Variants in EML6 observed in about 807,000 individuals in gnomAD.
EML6 encodes echinoderm microtubule-associated protein-like 6.
Under a neutral mutation model 240.1 loss-of-function variants are expected in EML6, and 154 were observed. The observed-to-expected ratio is 0.64, with a 90% CI of 0.56 to 0.73. EML6 has a LOEUF of 0.73. Ranked by LOEUF, EML6 falls within the 30% of genes least tolerant of loss-of-function variation. The pLI is 0.00. For missense variants in EML6, 2,964 were observed against 2,474.6 expected (o/e 1.20, Z -4.20); for synonymous variants, 1,148 against 899.0 (o/e 1.28, Z -4.95).
chr2:54,822,337 A>G (rs1391670206), intron 5 of EML6, among the ~76,000 whole-genome samples: 1 of 152,218 alleles, frequency 6.6e-6, no homozygotes, highest in Non-Finnish European at 1.5e-5. Context: ...GGAAATATTT[A>G]TCCTTAGAAA....
rs185314152 is a variant in EML6, at chr2:54,905,580, T to C, written c.3409+2078T>C. Among the ~76,000 whole-genome samples the C allele has an allele frequency of 3.3e-5, 5 of 152,330 alleles. No homozygotes were observed. The East Asian group carries it at 9.6e-4, about 29-fold the overall frequency. ...TACCATTTTAATCATTTTTTAAGTG[T>C]ACAGTTCAAGGACGTTAAAAACATT... On this transcript the variant is annotated intron_variant, in intron 24 of 41. Coordinates refer to ENST00000356458, the MANE Select transcript of EML6 (RefSeq NM_001039753.4).
chr2:54,895,689 C>T (rs1392766180), intron 21 of EML6, among the ~76,000 whole-genome samples: 1 of 152,202 alleles, frequency 6.6e-6, no homozygotes, highest in Admixed American at 6.5e-5. Context: ...GTTATGGTCT[C>T]ATCTGAGGCT....
rs1489851979 is a variant in EML6, at chr2:54,888,102, T to C, written c.2439-2952T>C. 3.9e-5 allele frequency among the ~76,000 whole-genome samples: 6 copies of C among 152,342 alleles called. No individual in the cohort carries two copies. The East Asian group carries it at 1.2e-3, about 29-fold the overall frequency. On this transcript the variant is annotated intron_variant, in intron 17 of 41. Transcript: ENST00000356458. The stretch of plus-strand genomic sequence containing the variant: ...GCTTTTGTGAAAAGAAAGACTTTAT[T>C]GCAGTTTGACGGGCAAGGAGACAGG...
Position 54,952,762 on chromosome 2 carries a change from A to G in EML6, c.4312+70A>G, listed in dbSNP as rs1217680469. On this transcript the variant is annotated intron_variant, in intron 31 of 41. Coordinates refer to ENST00000356458, the MANE Select transcript of EML6 (RefSeq NM_001039753.4). Reference sequence around the variant, plus strand: ...CGCTGACCTGTCAGCAATTATTGGGAGAGGGAGTGGGTGGGTTGCTTACAT... The same window carrying G: ...CGCTGACCTGTCAGCAATTATTGGGGGAGGGAGTGGGTGGGTTGCTTACAT... The G allele has an allele frequency of 3.8e-6, 4 of 1,053,746 alleles. No individual in the cohort carries two copies. The East Asian group carries it at 7.8e-5, about 21-fold the overall frequency. The allele number at this position is 1,053,746 out of a possible 1,614,324, so 65.3% of individuals were successfully genotyped here.
chr2:54,950,749 G>A lies in EML6; in HGVS notation c.4183G>A (p.Ala1395Thr). The A allele has an allele frequency of 1.3e-6, 2 of 1,551,594 alleles. No homozygotes were observed. The highest frequency in any genetic ancestry group is 1.7e-6 in the Non-Finnish European group (2 of 1,146,986). ...DGADIIFHTA[A>T]AGIVQNLSTG... ...CGCTGACATCATCTTCCACACAGCA[G>A]CGGCTGGCATCGTTCAGAACCTCTC... The change falls in exon 30 of 42, where the codon GCG becomes ACG. Residue 1395 changes from alanine to threonine, a missense_variant. Ala to Thr is a moderately conservative substitution (Grantham distance 58, BLOSUM62 0). Transcript: ENST00000356458.
intron 29 of EML6, among the ~76,000 whole-genome samples, 151 bp downstream of exon 29, chr2:54,949,111 G>C (rs539184939): frequency 1.3e-5 from 2 of 152,176 alleles, no homozygotes; most frequent in Non-Finnish European, 2.9e-5. Flanking sequence ...ACGTAGCACT[G>C]TGTCTTCCAT....
At chr2:54,871,448 C>A (rs1671250893) in intron 15 of EML6, 52 bp from the exon 16 acceptor site, 4 of 1,377,410 alleles carry the variant, frequency 2.9e-6, no homozygotes, top group African/African-American at 1.4e-5. Flanking sequence ...GGAACAAAAT[C>A]ATTGTTAGTA....
chr2:54,848,024 T>A (rs573718444), intron 9 of EML6, among the ~76,000 whole-genome samples: 5 of 151,696 alleles, frequency 3.3e-5, no homozygotes, highest in Admixed American at 3.3e-4. Context: ...CCCAAGCACA[T>A]CTAATTCCAA....
chr2:54,953,969 C>CT lies in EML6; in HGVS notation c.4313-13dup. On this transcript the variant is annotated splice_polypyrimidine_tract_variant and intron_variant, in intron 31 of 41. Coordinates refer to ENST00000356458, the MANE Select transcript of EML6 (RefSeq NM_001039753.4). ...TGTCAGCCTTACTTCTTTGTCATGCCTCTCCACACTCAGGGACAACACCTT... is the reference window on the plus strand; with the variant it reads ...TGTCAGCCTTACTTCTTTGTCATGCCTTCTCCACACTCAGGGACAACACCTT... The CT allele has an allele frequency of 6.5e-7, 1 of 1,543,004 alleles. No homozygotes were observed.
At chr2:54,935,643 G>A (rs1675098296) in intron 28 of EML6, among the ~76,000 whole-genome samples, 1 of 152,178 alleles carries the variant, frequency 6.6e-6, no homozygotes, top group African/African-American at 2.4e-5. Flanking sequence ...ATACATTCAT[G>A]CTGAGGTTTG....
At position 54,725,940 on chromosome 2, in the gene EML6, C is replaced by T. The variant is rs1167127053; in HGVS notation, c.197+682C>T. 3.3e-5 allele frequency among the ~76,000 whole-genome samples: 5 copies of T among 151,922 alleles called. No homozygotes were observed. Among genetic ancestry groups the T allele is most frequent in the Non-Finnish European group, 5.9e-5 (4 of 67,942 alleles). On this transcript the variant is annotated intron_variant, in intron 2 of 41. Transcript: ENST00000356458. The surrounding 1 kb of genome is among the most constrained non-coding windows in gnomAD (Gnocchi z 4.3). ...TGACCAACATCTGCTAGCGGATGGC[C>T]CAAGACTGACTGACAGGAGAGCTCA...
At chr2:54,803,889 G>A (rs765986149) in intron 2 of EML6, among the ~76,000 whole-genome samples, 8 of 152,196 alleles carry the variant, frequency 5.3e-5, no homozygotes, top group Non-Finnish European at 1.2e-4. Context: ...CACGGACCGG[G>A]CACCATCTGA....
At chr2:54,948,441 C>T (rs971603309) in intron 28 of EML6, among the ~76,000 whole-genome samples, 7 of 152,210 alleles carry the variant, frequency 4.6e-5, no homozygotes, top group African/African-American at 1.7e-4. Flanking sequence ...TCACGCCACA[C>T]CATGGCCATC....
intron 2 of EML6, among the ~76,000 whole-genome samples, chr2:54,803,079 C>G (rs1056561165): frequency 5.9e-5 from 9 of 152,060 alleles, no homozygotes; most frequent in African/African-American, 2.2e-4. Context: ...ACATATGATC[C>G]TCATTGAAAG....
At chr2:54,960,422 T>A in intron 35 of EML6, 88 bp downstream of exon 35, 1 of 952,246 alleles carries the variant, frequency 1.1e-6, no homozygotes, top group South Asian at 1.4e-5. Flanking sequence ...TGGGCTGGTT[T>A]GTTTACTCCT....
At chr2:54,754,098 G>A (rs1464979046) in intron 2 of EML6, among the ~76,000 whole-genome samples, 2 of 151,130 alleles carry the variant, frequency 1.3e-5, no homozygotes, top group Non-Finnish European at 1.5e-5. Flanking sequence ...TCACACCACT[G>A]CATTCCAGTC....
Position 54,813,317 on chromosome 2 carries a change from G to A in EML6, c.283G>A (p.Val95Ile). 6.4e-7 allele frequency: 1 copy of A among 1,551,316 alleles called. No individual in the cohort carries two copies. Among genetic ancestry groups the A allele is most frequent in the Non-Finnish European group, 8.7e-7 (1 of 1,146,590 alleles). Reference sequence around the variant, plus strand: ...TATATGCATATGGGATTCCTATAATGTCCAGACTGTGTCTCTTCTTAAAGA... The same window carrying A: ...TATATGCATATGGGATTCCTATAATATCCAGACTGTGTCTCTTCTTAAAGA... ...PYICIWDSYN[V>I]QTVSLLKDVH... Residue 95 changes from valine to isoleucine, a missense_variant, in exon 3 of 42, where the codon GTC (valine) becomes ATC (isoleucine). Val to Ile is a conservative substitution (Grantham distance 29). Transcript: ENST00000356458.
intron 2 of EML6, among the ~76,000 whole-genome samples, chr2:54,790,169 G>C (rs899798174): frequency 6.6e-6 from 1 of 152,214 alleles, no homozygotes; most frequent in Non-Finnish European, 1.5e-5. Context: ...TTTTATAAGA[G>C]AGATTGAATA....
intron 3 of EML6, among the ~76,000 whole-genome samples, chr2:54,814,376 C>A (rs1358157026): frequency 1.3e-5 from 2 of 152,192 alleles, no homozygotes; most frequent in Non-Finnish European, 2.9e-5. Context: ...CTTCCTTTGA[C>A]TTACAGCAAC....
Sources: allele counts gnomAD v4.1 joint callset (sites outside exome capture counted in the v4.1 genomes callset), GRCh38; gene constraint gnomAD v4.1.1; non-coding constraint Gnocchi (gnomAD v3.1); transcripts MANE v1.5; gene names NCBI Gene and HGNC (gene_info 2026-07-23, HGNC 2026-07-21).